Variants in GRIK3 observed in about 807,000 individuals in gnomAD.
GRIK3 encodes glutamate ionotropic receptor kainate type subunit 3, also known as glutamate receptor ionotropic, kainate 3.
In GRIK3, 29 loss-of-function variants were observed where a neutral mutation model predicts 102.5. The observed-to-expected ratio is 0.28, with a 90% CI of 0.21 to 0.39. GRIK3 has a LOEUF of 0.39. Among genes scored for constraint, GRIK3 ranks in the 10% least tolerant of loss-of-function variants. The pLI is 1.00. For synonymous variants in GRIK3, 511 were observed against 504.9 expected (o/e 1.01, Z -0.16); for missense variants, 908 against 1,252.4 (o/e 0.73, Z 4.15).
At chr1:36,913,451 T>C (rs1641368223) in intron 1 of GRIK3, among the ~76,000 whole-genome samples, 1 of 152,188 alleles carries the variant, frequency 6.6e-6, no homozygotes, top group Non-Finnish European at 1.5e-5. Flanking sequence ...CTGTTGTAAA[T>C]ATCAATTGCT....
chr1:36,841,243 G>T (rs1640445590), intron 10 of GRIK3, among the ~76,000 whole-genome samples: 1 of 152,088 alleles, frequency 6.6e-6, no homozygotes, highest in Admixed American at 6.6e-5. Flanking sequence ...TTCCAGCCAG[G>T]CCCTGCTCAT....
At chr1:36,849,171 C>T (rs1044294027) in intron 9 of GRIK3, among the ~76,000 whole-genome samples, 3 of 152,176 alleles carry the variant, frequency 2.0e-5, no homozygotes, top group Non-Finnish European at 4.4e-5. Flanking sequence ...CCATTACTTC[C>T]CTTCCTGTTC....
chr1:36,819,061 G>A lies in GRIK3; in HGVS notation c.1873+675C>T, dbSNP rs939508846. Among the ~76,000 whole-genome samples the A allele has an allele frequency of 5.9e-5, 9 of 152,190 alleles. No individual in the cohort carries two copies. Among genetic ancestry groups the A allele is most frequent in the Non-Finnish European group, 1.2e-4 (8 of 68,040 alleles). ...ATCTGACTCCTGGCAGTTAGAGCAG[G>A]TGCTCTGCTGCAGATAGTTCCAAAG... On this transcript the variant is annotated intron_variant, in intron 12 of 15. Transcript: ENST00000373091. This position sits in a 1 kb window ranked among gnomAD's most constrained non-coding sequence, Gnocchi z 4.1.
At chr1:36,899,308 T>G (rs1641207322) in intron 1 of GRIK3, among the ~76,000 whole-genome samples, 1 of 152,172 alleles carries the variant, frequency 6.6e-6, no homozygotes, top group Non-Finnish European at 1.5e-5. Flanking sequence ...CCAGAACATA[T>G]TCCAGAACAA....
chr1:36,897,281 A>G (rs1221378221), intron 1 of GRIK3, among the ~76,000 whole-genome samples: 1 of 152,222 alleles, frequency 6.6e-6, no homozygotes. Flanking sequence ...TAGAGCTAAT[A>G]AAATTTGGCA....
intron 7 of GRIK3, 28 bp downstream of exon 7, chr1:36,859,080 A>G (rs764917361): frequency 6.3e-7 from 1 of 1,576,940 alleles, no homozygotes. Context: ...CGGGGAGACA[A>G]CACTGGTGGG....
chr1:36,890,713 G>T (rs986517283), intron 2 of GRIK3, among the ~76,000 whole-genome samples: 3 of 152,154 alleles, frequency 2.0e-5, no homozygotes, highest in African/African-American at 7.2e-5. Flanking sequence ...GAAAATTGAG[G>T]CACAGGGTAT....
chr1:36,959,334 G>A lies in GRIK3; in HGVS notation c.116-68238C>T, dbSNP rs521306. On this transcript the variant is annotated intron_variant, in intron 1 of 15. Transcript: ENST00000373091. ...CTGTGCCCCATGACTCTGTGTGCCC[G>A]GTGAGCCTGTGTGTCCCGTGAGCCT... Among the ~76,000 whole-genome samples, 15 of 119,058 alleles carry A rather than the reference G, an allele frequency of 1.3e-4. 2 individuals carry two copies. In the South Asian group the frequency reaches 4.1e-3, roughly 33 times the overall value. The allele number at this position is 119,058 out of a possible 152,430, so 78.1% of individuals were successfully genotyped here. A position where few individuals can be genotyped will look rare whatever the true frequency, so the allele number is the denominator to read the frequency against.
At chr1:36,860,104 C>G in intron 5 of GRIK3, 87 bp from the exon 6 acceptor site, 1 of 1,062,708 alleles carries the variant, frequency 9.4e-7, no homozygotes. Context: ...TAATCAGGGC[C>G]GCCCCAGGGC....
At chr1:36,811,569 G>A (rs181587575) in intron 13 of GRIK3, among the ~76,000 whole-genome samples, 1 of 152,324 alleles carries the variant, frequency 6.6e-6, no homozygotes, top group Non-Finnish European at 1.5e-5. Flanking sequence ...ATGCTGTGAG[G>A]TGAATACATG....
intron 1 of GRIK3, among the ~76,000 whole-genome samples, chr1:37,019,115 C>T (rs1008033781): frequency 6.6e-6 from 1 of 152,128 alleles, no homozygotes; most frequent in Non-Finnish European, 1.5e-5. Context: ...AGACTATGTC[C>T]CTTGGAGACT....
At chr1:36,970,271 G>C (rs1192301227) in intron 1 of GRIK3, among the ~76,000 whole-genome samples, 1 of 152,150 alleles carries the variant, frequency 6.6e-6, no homozygotes, top group Admixed American at 6.5e-5. Context: ...ATGTGAACTA[G>C]GAGGTCATCC....
chr1:36,837,544 C>G (rs1219931624), intron 10 of GRIK3, among the ~76,000 whole-genome samples: 1 of 152,168 alleles, frequency 6.6e-6, no homozygotes, highest in East Asian at 1.9e-4. Context: ...GGCTTCCATA[C>G]TGGCTCAGGT....
At chr1:36,899,182 T>G (rs768686551) in intron 1 of GRIK3, among the ~76,000 whole-genome samples, 2 of 152,116 alleles carry the variant, frequency 1.3e-5, no homozygotes, top group African/African-American at 4.8e-5. Context: ...CAAATTGAGC[T>G]TAATAAAAAA....
At chr1:37,003,495 T>A (rs1367631149) in intron 1 of GRIK3, among the ~76,000 whole-genome samples, 3 of 152,186 alleles carry the variant, frequency 2.0e-5, no homozygotes, top group Non-Finnish European at 2.9e-5. Flanking sequence ...AAAGTGAAGA[T>A]GTCTGAGCTT....
At chr1:36,954,621 A>AAGGACAGGT (rs1641882591) in intron 1 of GRIK3, among the ~76,000 whole-genome samples, 1 of 152,216 alleles carries the variant, frequency 6.6e-6, no homozygotes, top group Non-Finnish European at 1.5e-5. Context: ...CTGTGTTCCA[A>AAGGACAGGT]AGGACAGGTC....
chr1:36,931,101 G>A (rs1465802471), intron 1 of GRIK3, among the ~76,000 whole-genome samples: 1 of 152,192 alleles, frequency 6.6e-6, no homozygotes, highest in Non-Finnish European at 1.5e-5. Flanking sequence ...CCTTCACTCA[G>A]TCGGTTGGAA....
rs1374628290 is a variant in GRIK3, at chr1:36,799,346, A to G, written c.*2505T>C. Reference sequence around the variant, plus strand: ...ATTGTCTGTCTTTGCTTCCACTGTGACCTGGAACATATGTGTGTGTCCCAC... The same window carrying G: ...ATTGTCTGTCTTTGCTTCCACTGTGGCCTGGAACATATGTGTGTGTCCCAC... On this transcript the variant is annotated 3_prime_UTR_variant, in exon 16 of 16. Transcript: ENST00000373091. 2.0e-5 allele frequency: 3 copies of G among 152,286 alleles called. No homozygotes were observed. The East Asian group carries it at 5.8e-4, about 30-fold the overall frequency. The allele number at this position is 152,286 out of a possible 1,614,324, so 9.4% of individuals were successfully genotyped here.
At chr1:36,841,049 G>A (rs944038004) in intron 10 of GRIK3, among the ~76,000 whole-genome samples, 3 of 152,136 alleles carry the variant, frequency 2.0e-5, no homozygotes, top group South Asian at 2.1e-4. Flanking sequence ...ACCGGGACTC[G>A]AGCCCAGGGC....
Sources: gnomAD v4.1 joint callset for allele counts (sites outside exome capture counted in the v4.1 genomes callset) on GRCh38, gnomAD v4.1.1 for gene constraint, Gnocchi (gnomAD v3.1) non-coding constraint, MANE v1.5 for transcripts, NCBI Gene and HGNC (gene_info 2026-07-23, HGNC 2026-07-21) for gene names.